ARHGEF10: variants seen among roughly 807,000 people sequenced by gnomAD.
The protein encoded by ARHGEF10 is Rho guanine nucleotide exchange factor (GEF) 10.
A neutral mutation model predicts 147.4 loss-of-function variants in ARHGEF10; 140 were observed. The observed-to-expected ratio is 0.95, with a 90% confidence interval of 0.83 to 1.09. ARHGEF10 has a LOEUF of 1.09. Among genes scored for constraint, ARHGEF10 ranks in the 50% least tolerant of loss-of-function variants. The pLI is 0.00. For missense variants in ARHGEF10, 2,222 were observed against 1,752.7 expected (o/e 1.27, Z -4.78); for synonymous variants, 902 against 695.8 (o/e 1.30, Z -4.67).
Position 1,933,806 on chromosome 8 carries a change from C to G in ARHGEF10, c.3086C>G (p.Ser1029Cys), listed in dbSNP as rs745793841. Residue 1029 changes from serine to cysteine, a missense_variant, in exon 26 of 29, where the codon TCC becomes TGC. Physicochemically the swap from Ser to Cys is moderately radical, Grantham distance 112. Transcript: ENST00000349830. ...TGAAATATTTTCTTTTAAGATGGAT[C>G]CTGGGATTCAGAACCTCAAAAAGTG... The part of the protein sequence containing the change: ...VASYARAPDG[S>C]WDSEPQKVIK... The G allele has an allele frequency of 6.2e-7, 1 of 1,614,146 alleles. No homozygotes were observed. The highest frequency in any genetic ancestry group is 1.1e-5 in the South Asian group (1 of 91,086).
chr8:1,858,249 TGAGTCCCCTGGG>T, intron 3 of ARHGEF10, 134 bp downstream of exon 3: 1 of 781,040 alleles, frequency 1.3e-6, no homozygotes, highest in Non-Finnish European at 2.0e-6. Context: ...GGTCCCCAGG[TGAGTCCCCTGGG>T]GGGTTCCCAG....
intron 7 of ARHGEF10, 196 bp from the exon 8 acceptor site, chr8:1,876,375 C>T: frequency 1.6e-6 from 1 of 631,608 alleles, no homozygotes; most frequent in Non-Finnish European, 2.8e-6. Flanking sequence ...CCCAGCCTCC[C>T]CGGCCCTGCC....
In ARHGEF10 at chr8:1,874,894, G is replaced by T. The variant is rs1441745285; in HGVS notation, c.680-1677G>T. Among the ~76,000 whole-genome samples, 2 of 29,674 alleles carry T rather than the reference G, an allele frequency of 6.7e-5. 1 individual carries two copies. Among genetic ancestry groups the T allele is most frequent in the African/African-American group, 2.7e-4 (2 of 7,540 alleles). 19.5% of individuals were successfully genotyped at this position (29,674 alleles called of 152,430 possible). A position where few individuals can be genotyped will look rare whatever the true frequency, so the allele number is the denominator to read the frequency against. ...CTGGTGGGAGAGTGCAGACACACCCGGGGCCGTGTAGGGGGTACAGGTTCT... is the reference window on the plus strand; with the variant it reads ...CTGGTGGGAGAGTGCAGACACACCCTGGGCCGTGTAGGGGGTACAGGTTCT... On this transcript the variant is annotated intron_variant, in intron 7 of 28. Coordinates refer to ENST00000349830, the MANE Select transcript of ARHGEF10 (RefSeq NM_014629.4).
intron 7 of ARHGEF10, among the ~76,000 whole-genome samples, chr8:1,874,838 G>C (rs1483221574): frequency 7.3e-6 from 1 of 137,108 alleles, no homozygotes; most frequent in South Asian, 2.6e-4. Context: ...CACACACCAC[G>C]GCGTGTAGGG....
At chr8:1,855,084 G>T (rs1805449808) in intron 2 of ARHGEF10, among the ~76,000 whole-genome samples, 1 of 151,700 alleles carries the variant, frequency 6.6e-6, no homozygotes, top group Non-Finnish European at 1.5e-5. Context: ...ACTTTAAAGA[G>T]AATTCCTTCT....
intron 1 of ARHGEF10, among the ~76,000 whole-genome samples, chr8:1,829,302 C>T (rs1363546626): frequency 1.3e-5 from 2 of 152,228 alleles, no homozygotes; most frequent in South Asian, 2.1e-4. Flanking sequence ...GTGGGTCTTC[C>T]TGATGGTGCG....
intron 19 of ARHGEF10, 144 bp from the exon 20 acceptor site, chr8:1,923,324 C>A: frequency 7.8e-7 from 1 of 1,278,264 alleles, no homozygotes; most frequent in Non-Finnish European, 1.1e-6. Flanking sequence ...ACAGTGTGAT[C>A]TGACTCCCAA....
At chr8:1,901,289 C>T (rs1422745831) in intron 15 of ARHGEF10, among the ~76,000 whole-genome samples, 2 of 151,994 alleles carry the variant, frequency 1.3e-5, no homozygotes, top group South Asian at 4.2e-4. Context: ...GGCCTGGACA[C>T]CCTCTGTCCC....
chr8:1,929,501 C>A, intron 25 of ARHGEF10, 58 bp downstream of exon 25: 1 of 1,539,584 alleles, frequency 6.5e-7, no homozygotes, highest in South Asian at 1.3e-5. Flanking sequence ...GGGGACTGTG[C>A]ATCCGGTTTA....
At position 1,893,595 on chromosome 8, in the gene ARHGEF10, A is replaced by G. The variant is rs532728993; in HGVS notation, c.1209A>G (p.Ser403=). 5.0e-6 allele frequency: 8 copies of G among 1,613,730 alleles called. No individual in the cohort carries two copies. The African/African-American group carries it at 1.1e-4, about 22-fold the overall frequency. The stretch of plus-strand genomic sequence containing the variant: ...TTGTAAGAAGATATATACTGGGTTC[A>G]GTTGTCGACAGTGAAAAGAACTACG... ...QQVVRRYILG[S]VVDSEKNYVD... is the part of the protein sequence containing the mutation. The change falls in exon 12 of 29, where the codon TCA becomes TCG. Residue 403 remains serine (S), a synonymous_variant. Coordinates refer to ENST00000349830, the MANE Select transcript of ARHGEF10 (RefSeq NM_014629.4).
intron 27 of ARHGEF10, among the ~76,000 whole-genome samples, chr8:1,949,618 A>G (rs192803574): frequency 6.6e-6 from 1 of 152,360 alleles, no homozygotes; most frequent in East Asian, 1.9e-4. Flanking sequence ...GAGCGAATAC[A>G]GAGCCTCCAG....
intron 26 of ARHGEF10, chr8:1,944,029 G>C (rs1234274230): frequency 6.5e-6 from 1 of 153,474 alleles, no homozygotes; most frequent in Admixed American, 6.5e-5. Context: ...GTGTGGGCCA[G>C]CCTCCCTGAC....
chr8:1,856,667 G>C (rs1805578200), intron 2 of ARHGEF10, among the ~76,000 whole-genome samples: 1 of 152,212 alleles, frequency 6.6e-6, no homozygotes, highest in Non-Finnish European at 1.5e-5. Context: ...CCCCTCCGGA[G>C]CTGCCTGCAG....
intron 1 of ARHGEF10, among the ~76,000 whole-genome samples, chr8:1,842,256 G>T (rs1563162468): frequency 1.3e-5 from 2 of 152,014 alleles, no homozygotes; most frequent in Admixed American, 6.5e-5. Flanking sequence ...CGCATCTGAG[G>T]TTGGGGGCAG....
At chr8:1,951,240 C>T (rs765804339) in intron 27 of ARHGEF10, among the ~76,000 whole-genome samples, 8 of 152,258 alleles carry the variant, frequency 5.3e-5, no homozygotes, top group Non-Finnish European at 1.0e-4. Flanking sequence ...TGTTGTAGAG[C>T]GGTCAGCACT....
chr8:1,826,337 C>T (rs1174440635), intron 1 of ARHGEF10, among the ~76,000 whole-genome samples: 3 of 151,888 alleles, frequency 2.0e-5, no homozygotes, highest in Non-Finnish European at 4.4e-5. Context: ...CATACGTGTG[C>T]GTGTGTCTTT....
chr8:1,831,653 G>A (rs1371484133), intron 1 of ARHGEF10, among the ~76,000 whole-genome samples: 1 of 152,188 alleles, frequency 6.6e-6, no homozygotes, highest in Non-Finnish European at 1.5e-5. Flanking sequence ...GAGTTGGGAC[G>A]CGAAGGCTGC....
intron 9 of ARHGEF10, among the ~76,000 whole-genome samples, chr8:1,882,079 G>A (rs1219196803): frequency 6.6e-6 from 1 of 152,194 alleles, no homozygotes; most frequent in Non-Finnish European, 1.5e-5. Flanking sequence ...GACATCCGCA[G>A]CGTGCTGCAC....
At chr8:1,931,995 A>G (rs1813186014) in intron 25 of ARHGEF10, among the ~76,000 whole-genome samples, 1 of 152,170 alleles carries the variant, frequency 6.6e-6, no homozygotes, top group African/African-American at 2.4e-5. Context: ...TCTCGTTTCA[A>G]AGGAATGGTG....
Sources: allele counts gnomAD v4.1 joint callset (sites outside exome capture counted in the v4.1 genomes callset), GRCh38; gene constraint gnomAD v4.1.1; transcripts MANE v1.5; gene names NCBI Gene and HGNC (gene_info 2026-07-23, HGNC 2026-07-21).